CSMD1: variants seen among roughly 807,000 people sequenced by gnomAD.
CSMD1 encodes CUB and Sushi multiple domains 1.
CSMD1 carries 213 observed loss-of-function variants against 417.5 expected under a neutral mutation model. The observed-to-expected ratio is 0.51, with a 90% CI of 0.46 to 0.57. The LOEUF is 0.57. Among genes scored for constraint, CSMD1 ranks in the 20% least tolerant of loss-of-function variants. The probability of loss-of-function intolerance (pLI) is 0.00; values close to 1 mark genes in which losing one functional copy is unlikely to be tolerated. For missense variants in CSMD1, 6,923 were observed against 4,529.7 expected, an observed-to-expected ratio of 1.53 and a Z score of -15.17; for synonymous variants, 2,862 against 1,736.8, an observed-to-expected ratio of 1.65 and a Z score of -16.11.
intron 3 of CSMD1, among the ~76,000 whole-genome samples, chr8:4,180,850 A>T (rs1798330456): frequency 6.6e-6 from 1 of 152,172 alleles, no homozygotes; most frequent in Non-Finnish European, 1.5e-5. Flanking sequence ...TATGATATTT[A>T]AAAGCTCACG....
intron 1 of CSMD1, among the ~76,000 whole-genome samples, chr8:4,992,453 C>T (rs766757456): frequency 1.3e-5 from 2 of 152,184 alleles, no homozygotes; most frequent in Non-Finnish European, 2.9e-5. Flanking sequence ...AGGAGGAAGC[C>T]CCGGGCCCAG....
At chr8:4,540,681 GA>G (rs1797336718) in intron 2 of CSMD1, among the ~76,000 whole-genome samples, 1 of 152,194 alleles carries the variant, frequency 6.6e-6, no homozygotes, top group African/African-American at 2.4e-5. Flanking sequence ...AGGCTTCTTG[GA>G]ATAATCCTGA....
chr8:4,550,801 T>C (rs750469838), intron 2 of CSMD1, among the ~76,000 whole-genome samples: 1 of 152,202 alleles, frequency 6.6e-6, no homozygotes, highest in Non-Finnish European at 1.5e-5. Context: ...CACAGTGCTC[T>C]ACAAACCACC....
At chr8:4,924,289 A>G (rs113146577) in intron 1 of CSMD1, among the ~76,000 whole-genome samples, 3 of 152,126 alleles carry the variant, frequency 2.0e-5, no homozygotes, top group African/African-American at 7.2e-5. Flanking sequence ...TTACTAAGAT[A>G]TTTTCATCCC....
At chr8:3,563,875 C>G (rs866331046) in intron 10 of CSMD1, among the ~76,000 whole-genome samples, 3 of 152,092 alleles carry the variant, frequency 2.0e-5, no homozygotes, top group African/African-American at 4.8e-5. Flanking sequence ...GGTGACAGAA[C>G]TAGACTCCGT....
chr8:4,834,728 G>A (rs567144395), intron 1 of CSMD1, among the ~76,000 whole-genome samples: 80 of 151,752 alleles, frequency 5.3e-4, no homozygotes, highest in Admixed American at 2.0e-3. Context: ...AGGCCGAGGC[G>A]GGCGGATCAC....
intron 2 of CSMD1, among the ~76,000 whole-genome samples, chr8:4,577,490 C>T (rs1366932454): frequency 6.6e-6 from 1 of 152,186 alleles, no homozygotes; most frequent in Non-Finnish European, 1.5e-5. Flanking sequence ...TTCCCTATGC[C>T]ACCACAGCAC....
At chr8:4,713,875 G>A (rs770099204) in intron 1 of CSMD1, among the ~76,000 whole-genome samples, 2 of 152,170 alleles carry the variant, frequency 1.3e-5, no homozygotes, top group Non-Finnish European at 2.9e-5. Context: ...AGCCAAAAGT[G>A]GAGGTGGAGA....
At chr8:4,324,318 G>A (rs531462318) in intron 3 of CSMD1, among the ~76,000 whole-genome samples, 11 of 152,240 alleles carry the variant, frequency 7.2e-5, no homozygotes, top group East Asian at 5.8e-4. Context: ...CAGCAACCTC[G>A]AAAGAAATCA....
chr8:4,700,376 C>T (rs1807447227), intron 1 of CSMD1, among the ~76,000 whole-genome samples: 1 of 151,824 alleles, frequency 6.6e-6, no homozygotes, highest in South Asian at 2.1e-4. Flanking sequence ...TTGTTATCAA[C>T]CTGATCATTT....
At chr8:3,618,253 C>A (rs898807145) in intron 7 of CSMD1, among the ~76,000 whole-genome samples, 2 of 152,136 alleles carry the variant, frequency 1.3e-5, no homozygotes, top group Non-Finnish European at 2.9e-5. Flanking sequence ...GACACTCGCA[C>A]TGTGGCCTCC....
chr8:3,460,085 G>A (rs541460936), intron 12 of CSMD1, among the ~76,000 whole-genome samples: 2 of 152,210 alleles, frequency 1.3e-5, no homozygotes, highest in South Asian at 2.1e-4. Flanking sequence ...TCTGTCTCCT[G>A]GGAAGAAAGG....
chr8:4,116,643 A>C (rs1235492255), intron 3 of CSMD1, among the ~76,000 whole-genome samples: 1 of 149,846 alleles, frequency 6.7e-6, no homozygotes, highest in Non-Finnish European at 1.5e-5. Flanking sequence ...ATGAACCCTA[A>C]CGTAAGCTGT....
chr8:4,544,978 C>T (rs924362939), intron 2 of CSMD1, among the ~76,000 whole-genome samples: 2 of 152,186 alleles, frequency 1.3e-5, no homozygotes, highest in Admixed American at 6.5e-5. Context: ...TGTCTATAAG[C>T]ATATTCGTAA....
chr8:4,028,395 C>T (rs1797173438), intron 4 of CSMD1, among the ~76,000 whole-genome samples: 1 of 152,016 alleles, frequency 6.6e-6, no homozygotes, highest in Non-Finnish European at 1.5e-5. Flanking sequence ...GTGGACAATA[C>T]ATACTAGCTT....
intron 5 of CSMD1, among the ~76,000 whole-genome samples, chr8:3,809,726 C>T (rs942557107): frequency 2.6e-5 from 4 of 152,116 alleles, no homozygotes; most frequent in Non-Finnish European, 5.9e-5. Context: ...TATAGGTCTT[C>T]AAGGAAGGTT....
chr8:4,952,031 T>C (rs1808786663), intron 1 of CSMD1, among the ~76,000 whole-genome samples: 1 of 151,350 alleles, frequency 6.6e-6, no homozygotes, highest in South Asian at 2.1e-4. Context: ...TAGAAATACA[T>C]ATATATACAC....
intron 3 of CSMD1, among the ~76,000 whole-genome samples, chr8:4,117,328 G>C (rs1432527432): frequency 1.1e-4 from 16 of 151,824 alleles, no homozygotes; most frequent in African/African-American, 3.9e-4. Flanking sequence ...ATCACCGTCT[G>C]CCTGTACCAA....
At chr8:4,605,783 C>G (rs776387136) in intron 2 of CSMD1, among the ~76,000 whole-genome samples, 1 of 152,244 alleles carries the variant, frequency 6.6e-6, no homozygotes, top group South Asian at 2.1e-4. Flanking sequence ...GCAAGCTCAC[C>G]GGTCCAATGC....
Sources: allele counts gnomAD v4.1 joint callset (sites outside exome capture counted in the v4.1 genomes callset), GRCh38; gene constraint gnomAD v4.1.1; transcripts MANE v1.5; gene names NCBI Gene and HGNC (gene_info 2026-07-23, HGNC 2026-07-21).